CEP85L: variants seen among roughly 807,000 people sequenced by gnomAD.
The protein encoded by CEP85L is centrosomal protein of 85 kDa-like.
In CEP85L, 60 loss-of-function variants were observed where a neutral mutation model predicts 100.3. The observed-to-expected ratio is 0.60, with a 90% confidence interval of 0.49 to 0.74. CEP85L has a LOEUF of 0.74. Ranked by LOEUF, CEP85L falls within the 30% of genes least tolerant of loss-of-function variation. The pLI, the probability that CEP85L is intolerant of heterozygous loss-of-function variation, is 0.00. For missense variants in CEP85L, 973 were observed against 936.2 expected, an observed-to-expected ratio of 1.04 and a Z score of -0.51; for synonymous variants, 319 against 322.7, an observed-to-expected ratio of 0.99 and a Z score of 0.12.
intron 1 of CEP85L, among the ~76,000 whole-genome samples, chr6:118,640,518 G>A (rs929158955): frequency 1.3e-5 from 2 of 152,000 alleles, no homozygotes; most frequent in Admixed American, 1.3e-4. Flanking sequence ...AACATGTAAA[G>A]TTTTTTGTTG....
At chr6:118,648,704 T>TACACTCC (rs1775360462) in intron 1 of CEP85L, among the ~76,000 whole-genome samples, 3 of 137,376 alleles carry the variant, frequency 2.2e-5, no homozygotes. Flanking sequence ...ATCGCGCCAC[T>TACACTCC]ACACTCCAGC....
intron 3 of CEP85L, among the ~76,000 whole-genome samples, chr6:118,545,585 C>T (rs551480297): frequency 5.1e-4 from 77 of 152,038 alleles, no homozygotes; most frequent in Middle Eastern, 3.4e-3. Flanking sequence ...AGACTCCGCA[C>T]CCCCTTCCAA....
intron 3 of CEP85L, chr6:118,558,896 T>G: frequency 6.2e-7 from 1 of 1,608,158 alleles, no homozygotes; most frequent in African/African-American, 1.3e-5. Flanking sequence ...CACTTAAAAC[T>G]TCAGACTTCC....
chr6:118,645,318 G>T (rs768662076), intron 1 of CEP85L, among the ~76,000 whole-genome samples: 21 of 152,218 alleles, frequency 1.4e-4, no homozygotes, highest in Non-Finnish European at 2.8e-4. Flanking sequence ...TTTCCTCTTA[G>T]TACTTAACAC....
chr6:118,706,686 G>A (rs951947582), intron 1 of CEP85L, among the ~76,000 whole-genome samples: 4 of 152,058 alleles, frequency 2.6e-5, no homozygotes, highest in Admixed American at 6.6e-5. Flanking sequence ...GAGATATCAG[G>A]AAACGCCACC....
At chr6:118,636,311 A>G (rs933705608) in intron 1 of CEP85L, among the ~76,000 whole-genome samples, 1 of 152,224 alleles carries the variant, frequency 6.6e-6, no homozygotes, top group Non-Finnish European at 1.5e-5. Context: ...CCTAGAGTAC[A>G]TATCAGCAAG....
chr6:118,627,024 C>T (rs1479142613), intron 2 of CEP85L, among the ~76,000 whole-genome samples: 1 of 151,644 alleles, frequency 6.6e-6, no homozygotes, highest in East Asian at 1.9e-4. Context: ...AAAGGTGAAA[C>T]CCCATCTCTA....
intron 3 of CEP85L, among the ~76,000 whole-genome samples, chr6:118,530,930 G>A (rs140082886): frequency 9.3e-5 from 14 of 151,120 alleles, no homozygotes; most frequent in African/African-American, 3.4e-4. Flanking sequence ...TGTTCATACT[G>A]CCAAAAGCAA....
chr6:118,494,417 A>G (rs755126913), intron 5 of CEP85L, among the ~76,000 whole-genome samples: 1 of 152,210 alleles, frequency 6.6e-6, no homozygotes. Context: ...ACCAGAGCCT[A>G]AACTGCTGGG....
chr6:118,581,948 A>G (rs959698069), intron 2 of CEP85L, among the ~76,000 whole-genome samples: 4 of 152,188 alleles, frequency 2.6e-5, no homozygotes, highest in African/African-American at 9.6e-5. Flanking sequence ...ACAGAAGGGC[A>G]AATGGACTGA....
intron 1 of CEP85L, among the ~76,000 whole-genome samples, chr6:118,682,036 G>C (rs927199461): frequency 1.3e-5 from 2 of 152,028 alleles, no homozygotes; most frequent in Non-Finnish European, 2.9e-5. Flanking sequence ...ACAGTGCTGG[G>C]ATTACAGGCG....
intron 3 of CEP85L, among the ~76,000 whole-genome samples, chr6:118,532,123 A>C (rs1264878063): frequency 6.6e-6 from 1 of 152,214 alleles, no homozygotes; most frequent in African/African-American, 2.4e-5. Context: ...AGTAGACTGG[A>C]TAAAGAAAAT....
chr6:118,696,233 C>A (rs1214499349), intron 1 of CEP85L, among the ~76,000 whole-genome samples: 4 of 151,616 alleles, frequency 2.6e-5, no homozygotes, highest in African/African-American at 9.7e-5. Flanking sequence ...CCACTGCACT[C>A]CAGCCTGGGT....
In CEP85L at chr6:118,469,292, T is replaced by G. The variant is rs747299548; in HGVS notation, c.2034A>C (p.Gln678His). 6.2e-7 allele frequency: 1 copy of G among 1,613,432 alleles called. No homozygotes were observed. The highest frequency in any genetic ancestry group is 8.5e-7 in the Non-Finnish European group (1 of 1,179,410). ...CCAATAAAGAGCATGTCTCATCTGT[T>G]TGTCTTTGGTTCTGCAAGGATAAAG... ...LTKALLENQR[Q>H]TDETCSLLDQ... The change falls in exon 12 of 13, where the codon CAA becomes CAC. Residue 678 changes from glutamine to histidine, a missense_variant. This residue lies in a region of CEP85L where 890 missense variants were observed against 844.5 expected (regional missense o/e 1.05). Coordinates refer to ENST00000368491, the MANE Select transcript of CEP85L (RefSeq NM_001042475.3).
intron 3 of CEP85L, among the ~76,000 whole-genome samples, chr6:118,557,906 AC>A (rs774144671): frequency 1.5e-4 from 23 of 151,366 alleles, no homozygotes; most frequent in Non-Finnish European, 2.9e-4. Context: ...TTTTTAATAG[AC>A]CACCACAACC....
At chr6:118,537,861 AAC>A in intron 3 of CEP85L, 4 of 985,290 alleles carry the variant, frequency 4.1e-6, no homozygotes, top group Non-Finnish European at 4.8e-6. Context: ...CATGTCACGT[AAC>A]ACAGTAAATC....
chr6:118,623,229 C>G (rs1773569067), intron 2 of CEP85L, among the ~76,000 whole-genome samples: 1 of 152,098 alleles, frequency 6.6e-6, no homozygotes, highest in Non-Finnish European at 1.5e-5. Flanking sequence ...ATCATAAGGC[C>G]CCTCTGGGGG....
rs140949617 is a variant in CEP85L at position 118,646,089 on chromosome 6, C to T, written c.73+5108G>A. Among the ~76,000 whole-genome samples, 673 of 103,500 alleles carry T rather than the reference C, an allele frequency of 6.5e-3. 3 individuals are homozygous for T. The highest frequency in any genetic ancestry group is 0.022 in the African/African-American group (646 of 29,288). 67.9% of individuals were successfully genotyped at this position (103,500 alleles called of 152,430 possible). ...AAAATTAGCCAGGCATGGTGGCACA[C>T]GCCCGTAGTCCCAGCTACTCGGGAG... On this transcript the variant is annotated intron_variant, in intron 1 of 12. Coordinates refer to ENST00000368491, the MANE Select transcript of CEP85L (RefSeq NM_001042475.3).
rs1562297733 is a variant in CEP85L at position 118,600,300 on chromosome 6, G to GGGGGGGT, written c.232+32152_232+32153insACCCCCC. On this transcript the variant is annotated intron_variant, in intron 2 of 12. Transcript: ENST00000368491. ...CTGCCTGTCCCTGAGCCTTCCTGGG[G>GGGGGGGT]GTGTGTGTGTGTGTGTGTGTGTGTG... Among the ~76,000 whole-genome samples, 23 of 52,236 alleles carry GGGGGGGT rather than the reference G, an allele frequency of 4.4e-4. 2 individuals are homozygous for GGGGGGGT. Among genetic ancestry groups the GGGGGGGT allele is most frequent in the Admixed American group, 6.2e-4 (3 of 4,838 alleles). 34.3% of individuals were successfully genotyped at this position (52,236 alleles called of 152,430 possible).
Sources: allele counts gnomAD v4.1 joint callset (sites outside exome capture counted in the v4.1 genomes callset), GRCh38; gene constraint gnomAD v4.1.1; regional missense constraint gnomAD v4.1.1; transcripts MANE v1.5; gene names NCBI Gene and HGNC (gene_info 2026-07-23, HGNC 2026-07-21).